The following CADPS variants were observed in gnomAD, a reference collection of about 807,000 sequenced individuals.
The protein encoded by CADPS is calcium-dependent secretion activator 1.
In CADPS, 57 loss-of-function variants were observed where a neutral mutation model predicts 167.3. The observed-to-expected ratio is 0.34, with a 90% confidence interval of 0.28 to 0.42. The LOEUF (loss-of-function observed/expected upper bound fraction) is 0.42. CADPS is among the 20% of genes least tolerant of loss of function. The pLI, the probability that CADPS is intolerant of heterozygous loss-of-function variation, is 1.00. For synonymous variants in CADPS, 676 were observed against 635.3 expected (o/e 1.06, Z -0.96); for missense variants, 1,414 against 1,738.1 (o/e 0.81, Z 3.32).
intron 6 of CADPS, among the ~76,000 whole-genome samples, chr3:62,595,892 A>C (rs1270744125): frequency 6.6e-6 from 1 of 151,966 alleles, no homozygotes; most frequent in African/African-American, 2.4e-5. Context: ...AAGAGGAGAG[A>C]CTGGCTTAGC....
At position 62,554,495 on chromosome 3, in the gene CADPS, A is replaced by T. The variant is rs548469648; in HGVS notation, c.1753+2910T>A. 2.6e-5 allele frequency among the ~76,000 whole-genome samples: 4 copies of T among 152,280 alleles called. No homozygotes were observed. In the South Asian group the frequency reaches 8.3e-4, roughly 32 times the overall value. On this transcript the variant is annotated intron_variant, in intron 10 of 29. Coordinates refer to ENST00000383710, the MANE Select transcript of CADPS (RefSeq NM_003716.4). Reference sequence around the variant, plus strand: ...GTGGATCCACTGACAATTTGGATAAAACCAAGAGAAAGAGGGAGAGAGGTA... The same window carrying T: ...GTGGATCCACTGACAATTTGGATAATACCAAGAGAAAGAGGGAGAGAGGTA...
chr3:62,518,304 A>G, intron 13 of CADPS, 54 bp from the exon 14 acceptor site: 1 of 1,293,956 alleles, frequency 7.7e-7, no homozygotes, highest in Non-Finnish European at 1.1e-6. Flanking sequence ...GACACCATCA[A>G]ATCAAATCTC....
Position 62,501,395 on chromosome 3 carries a change from T to C in CADPS, c.2600-2127A>G, listed in dbSNP as rs181316719. Among the ~76,000 whole-genome samples the C allele has an allele frequency of 6.3e-4, 96 of 152,342 alleles. 1 individual carries two copies. Among genetic ancestry groups the C allele is most frequent in the Non-Finnish European group, 7.4e-5 (5 of 68,026 alleles). ...TTTGGGTAATATGTGTAGAGTGAGG[T>C]ATTTGCATTTTGATAGTAAATATGC... On this transcript the variant is annotated intron_variant, in intron 17 of 29. Coordinates refer to ENST00000383710, the MANE Select transcript of CADPS (RefSeq NM_003716.4).
intron 28 of CADPS, among the ~76,000 whole-genome samples, chr3:62,434,251 C>T (rs943860582): frequency 3.3e-5 from 5 of 152,264 alleles, no homozygotes; most frequent in African/African-American, 1.2e-4. Flanking sequence ...TACAATTACA[C>T]TTCATTTTTT....
intron 3 of CADPS, among the ~76,000 whole-genome samples, chr3:62,722,144 C>A (rs995751345): frequency 2.6e-5 from 4 of 152,224 alleles, no homozygotes; most frequent in African/African-American, 9.6e-5. Flanking sequence ...CAGCAAGGGG[C>A]AGCCTCTGAA....
chr3:62,466,196 C>G (rs1332101729), intron 25 of CADPS, 143 bp downstream of exon 25: 1 of 612,452 alleles, frequency 1.6e-6, no homozygotes, highest in Non-Finnish European at 2.9e-6. Flanking sequence ...TCATTTAGAG[C>G]TGAGGCTGGG....
At chr3:62,776,171 A>G (rs2090235787) in intron 1 of CADPS, among the ~76,000 whole-genome samples, 1 of 152,208 alleles carries the variant, frequency 6.6e-6, no homozygotes, top group Admixed American at 6.5e-5. Flanking sequence ...TGAATCTACT[A>G]CCAGCAAGGT....
intron 21 of CADPS, among the ~76,000 whole-genome samples, chr3:62,491,080 T>C (rs1246470888): frequency 6.6e-6 from 1 of 152,218 alleles, no homozygotes; most frequent in African/African-American, 2.4e-5. Flanking sequence ...TCCTTCTTCC[T>C]TATTTATCTT....
chr3:62,460,100 G>C (rs1487599792), intron 26 of CADPS, among the ~76,000 whole-genome samples: 1 of 152,142 alleles, frequency 6.6e-6, no homozygotes, highest in Admixed American at 6.5e-5. Flanking sequence ...GCAATTTAGG[G>C]TAGAGTCTTA....
Position 62,493,651 on chromosome 3 carries a change from T to G in CADPS, c.2721A>C (p.Lys907Asn), listed in dbSNP as rs1368360851. The G allele has an allele frequency of 1.3e-6, 2 of 1,555,640 alleles. No individual in the cohort carries two copies. Among genetic ancestry groups the G allele is most frequent in the African/African-American group, 1.4e-5 (1 of 73,468 alleles). ...GAGATTTCACTTTACTTACTTCTCC[T>G]TTATCAACATGTGGCTGGTTTGCAA... The part of the protein sequence containing the change: ...EEHHAEPHVD[K>N]GEAFAWWSDL... The change falls in exon 19 of 30, where the codon AAA becomes AAC. Residue 907 changes from lysine to asparagine, a missense_variant. Coordinates refer to ENST00000383710, the MANE Select transcript of CADPS (RefSeq NM_003716.4).
At chr3:62,543,978 A>G (rs985718931) in intron 11 of CADPS, among the ~76,000 whole-genome samples, 3 of 152,136 alleles carry the variant, frequency 2.0e-5, no homozygotes, top group Admixed American at 2.0e-4. Context: ...ACAAATACAA[A>G]TGATGTCAAA....
intron 3 of CADPS, among the ~76,000 whole-genome samples, chr3:62,699,313 C>CGGCGTGAG (rs1564007071): frequency 6.6e-6 from 1 of 151,518 alleles, no homozygotes; most frequent in African/African-American, 2.4e-5. Flanking sequence ...CTGGGATTAC[C>CGGCGTGAG]GGCGTGAGCC....
chr3:62,673,527 T>C (rs561693734), intron 3 of CADPS, among the ~76,000 whole-genome samples: 8 of 152,302 alleles, frequency 5.3e-5, no homozygotes, highest in East Asian at 3.9e-4. Flanking sequence ...TTTAAAAATA[T>C]TCACTAAACA....
At chr3:62,508,722 A>T (rs2067147416) in intron 17 of CADPS, among the ~76,000 whole-genome samples, 1 of 152,222 alleles carries the variant, frequency 6.6e-6, no homozygotes, top group African/African-American at 2.4e-5. Context: ...ATTAAATGAG[A>T]TATGTATAAC....
chr3:62,681,106 T>C (rs778574050), intron 3 of CADPS, among the ~76,000 whole-genome samples: 1 of 152,034 alleles, frequency 6.6e-6, no homozygotes, highest in Non-Finnish European at 1.5e-5. Flanking sequence ...TGGGAACACA[T>C]CTGTGCATGA....
intron 28 of CADPS, among the ~76,000 whole-genome samples, chr3:62,423,260 C>G (rs117050254): frequency 3.4e-4 from 51 of 152,200 alleles, no homozygotes; most frequent in African/African-American, 1.2e-3. Flanking sequence ...CCCACATTCA[C>G]GAAAAGACCT....
intron 1 of CADPS, among the ~76,000 whole-genome samples, chr3:62,774,281 T>A (rs78112179): frequency 2.4e-4 from 36 of 151,790 alleles, no homozygotes; most frequent in Non-Finnish European, 5.0e-4. Flanking sequence ...TTGAACCCGA[T>A]AACATTAAAA....
intron 3 of CADPS, among the ~76,000 whole-genome samples, chr3:62,679,727 G>A (rs563427245): frequency 6.6e-6 from 1 of 152,136 alleles, no homozygotes; most frequent in Admixed American, 6.5e-5. Flanking sequence ...GGAAAAGCTA[G>A]TCACAGAAGA....
intron 1 of CADPS, among the ~76,000 whole-genome samples, chr3:62,867,090 T>C (rs951744670): frequency 6.6e-6 from 1 of 152,070 alleles, no homozygotes; most frequent in African/African-American, 2.4e-5. Flanking sequence ...ATAAAAGCAT[T>C]TTATGAGTTC....
Sources: allele counts gnomAD v4.1 joint callset (sites outside exome capture counted in the v4.1 genomes callset), GRCh38; gene constraint gnomAD v4.1.1; transcripts MANE v1.5; gene names NCBI Gene and HGNC (gene_info 2026-07-23, HGNC 2026-07-21).